KATNBL1: variants seen among roughly 807,000 people sequenced by gnomAD.
KATNBL1 encodes katanin regulatory subunit B1 like 1.
KATNBL1 carries 28 observed loss-of-function variants against 44.7 expected under a neutral mutation model. The observed-to-expected ratio is 0.63, with a 90% CI of 0.46 to 0.86. The LOEUF is 0.86. KATNBL1 is among the 40% of genes least tolerant of loss of function. KATNBL1 has a pLI of 0.00. For synonymous variants in KATNBL1, 78 were observed against 114.9 expected, an observed-to-expected ratio of 0.68 and a Z score of 2.06; for missense variants, 272 against 350.7, an observed-to-expected ratio of 0.78 and a Z score of 1.79.
chr15:34,169,177 A>G (rs1889079302), intron 1 of KATNBL1, among the ~76,000 whole-genome samples: 1 of 152,192 alleles, frequency 6.6e-6, no homozygotes, highest in African/African-American at 2.4e-5. Context: ...GATCAGCAAA[A>G]TTGATAGACT....
At chr15:34,155,780 G>A (rs8040861) in intron 2 of KATNBL1, among the ~76,000 whole-genome samples, 84,695 of 152,038 alleles carry the variant, frequency 0.56, 24,528 homozygotes, top group East Asian at 0.71. Flanking sequence ...TTAATAAACC[G>A]CTGTTGGTTG....
At chr15:34,197,004 C>T (rs1238667642) in intron 1 of KATNBL1, among the ~76,000 whole-genome samples, 1 of 152,174 alleles carries the variant, frequency 6.6e-6, no homozygotes, top group Non-Finnish European at 1.5e-5. Context: ...TTGCTGTCTT[C>T]ACTAAATTGG....
At chr15:34,145,694 C>A in intron 8 of KATNBL1, 2 of 320,910 alleles carry the variant, frequency 6.2e-6, no homozygotes, top group Non-Finnish European at 1.0e-5. Flanking sequence ...ACATGTCAGT[C>A]ATGAAAATTA....
chr15:34,143,966 C>A (rs1043067376), intron 9 of KATNBL1, among the ~76,000 whole-genome samples: 247 of 66,406 alleles, frequency 3.7e-3, no homozygotes, highest in Middle Eastern at 0.013. Flanking sequence ...GATTCCATCT[C>A]AAAAAAAAAA....
At chr15:34,202,437 A>C (rs1407436884) in intron 1 of KATNBL1, among the ~76,000 whole-genome samples, 3 of 138,048 alleles carry the variant, frequency 2.2e-5, no homozygotes, top group Non-Finnish European at 4.7e-5. Context: ...GACATTCAAA[A>C]TCTTTTTATA....
chr15:34,174,862 G>T (rs190225034), intron 1 of KATNBL1, among the ~76,000 whole-genome samples: 1 of 152,004 alleles, frequency 6.6e-6, no homozygotes, highest in East Asian at 2.0e-4. Flanking sequence ...GGCTGGTCTT[G>T]AACTCCTGAC....
intron 1 of KATNBL1, among the ~76,000 whole-genome samples, chr15:34,207,782 T>C (rs1275102982): frequency 6.6e-6 from 1 of 152,166 alleles, no homozygotes; most frequent in African/African-American, 2.4e-5. Context: ...TTTAAATTTT[T>C]TGTAGAGATA....
chr15:34,155,399 G>A (rs1440923729), intron 2 of KATNBL1, among the ~76,000 whole-genome samples: 1 of 152,164 alleles, frequency 6.6e-6, no homozygotes, highest in Non-Finnish European at 1.5e-5. Flanking sequence ...ACTAGCCCAC[G>A]GATGCGAGGT....
chr15:34,145,302 A>G (rs1888274866), intron 9 of KATNBL1, 96 bp downstream of exon 9: 1 of 1,344,312 alleles, frequency 7.4e-7, no homozygotes, highest in Non-Finnish European at 9.8e-7. Flanking sequence ...GAACAGTACC[A>G]TATTATTTTG....
At chr15:34,184,547 A>G (rs1370066226) in intron 1 of KATNBL1, among the ~76,000 whole-genome samples, 3 of 139,862 alleles carry the variant, frequency 2.1e-5, no homozygotes, top group African/African-American at 7.8e-5. Flanking sequence ...AGCTTTTGGT[A>G]TTAATACTTC....
chr15:34,151,448 T>C (rs1888473933), intron 4 of KATNBL1, among the ~76,000 whole-genome samples: 1 of 86,648 alleles, frequency 1.2e-5, no homozygotes, highest in East Asian at 3.7e-4. Context: ...TTTTTTTTTT[T>C]TTTTTTTTTT....
At chr15:34,209,045 C>T (rs2140571477) in intron 1 of KATNBL1, 1 of 152,220 alleles carries the variant, frequency 6.6e-6, no homozygotes, top group East Asian at 1.9e-4. Context: ...ATAGAAAGCA[C>T]AAAATAAATA....
intron 1 of KATNBL1, among the ~76,000 whole-genome samples, chr15:34,166,360 G>A (rs188969022): frequency 1.2e-4 from 19 of 152,378 alleles, no homozygotes; most frequent in African/African-American, 1.7e-4. Flanking sequence ...AGATAGACCT[G>A]CGAAGCAGCA....
At chr15:34,185,888 A>T (rs1427408444) in intron 1 of KATNBL1, among the ~76,000 whole-genome samples, 1 of 152,154 alleles carries the variant, frequency 6.6e-6, no homozygotes, top group Non-Finnish European at 1.5e-5. Context: ...CTGGTGTCTC[A>T]TTGTCCAGAT....
At chr15:34,169,860 C>T (rs1348133620) in intron 1 of KATNBL1, among the ~76,000 whole-genome samples, 1 of 152,172 alleles carries the variant, frequency 6.6e-6, no homozygotes, top group African/African-American at 2.4e-5. Context: ...TCAATAGATG[C>T]AGAAAAGGCC....
intron 1 of KATNBL1, among the ~76,000 whole-genome samples, chr15:34,195,158 C>A (rs1889995256): frequency 7.5e-6 from 1 of 132,640 alleles, no homozygotes; most frequent in African/African-American, 3.2e-5. Flanking sequence ...ATGTTTATTG[C>A]AGCACCAATT....
chr15:34,189,170 A>T (rs1428849076), intron 1 of KATNBL1, among the ~76,000 whole-genome samples: 1 of 152,122 alleles, frequency 6.6e-6, no homozygotes, highest in African/African-American at 2.4e-5. Flanking sequence ...GATTACAGGC[A>T]TGCGCCACCA....
chr15:34,176,004 C>A lies in KATNBL1; in HGVS notation c.-14-12314G>T, dbSNP rs560946749. On this transcript the variant is annotated intron_variant, in intron 1 of 9. Transcript: ENST00000256544. ...TTCACAATAGCCAAAAAGCAAAAAA[C>A]AACCCAAATGTCCATCAACTGCTGA... 1.2e-4 allele frequency among the ~76,000 whole-genome samples: 18 copies of A among 152,276 alleles called. No individual in the cohort carries two copies. The East Asian group carries it at 3.1e-3, about 26-fold the overall frequency.
intron 1 of KATNBL1, among the ~76,000 whole-genome samples, chr15:34,172,796 C>CACAT (rs1555528612): frequency 6.9e-6 from 1 of 145,158 alleles, no homozygotes; most frequent in Non-Finnish European, 1.5e-5. Flanking sequence ...CACACACACA[C>CACAT]GCTTCTCTCT....
Sources: allele counts gnomAD v4.1 joint callset (sites outside exome capture counted in the v4.1 genomes callset), GRCh38; gene constraint gnomAD v4.1.1; transcripts MANE v1.5; gene names NCBI Gene and HGNC (gene_info 2026-07-23, HGNC 2026-07-21).